Variants in TENM4 observed in about 807,000 individuals in gnomAD.
TENM4 encodes teneurin-4.
TENM4 carries 82 observed loss-of-function variants against 243.3 expected under a neutral mutation model. That is an observed-to-expected ratio of 0.34 (90% CI 0.28 to 0.40). The LOEUF (loss-of-function observed/expected upper bound fraction) is 0.40, where lower values mean the gene tolerates loss of function less well. TENM4 is among the 10% of genes least tolerant of loss of function. The pLI is 1.00. For missense variants in TENM4, 3,138 were observed against 3,673.3 expected, an observed-to-expected ratio of 0.85 and a Z score of 3.77; for synonymous variants, 1,412 against 1,456.3, an observed-to-expected ratio of 0.97 and a Z score of 0.69.
rs1164223025 is a variant in TENM4 at position 78,729,582 on chromosome 11, C to T, written c.3200G>A (p.Arg1067Gln). The T allele has an allele frequency of 3.7e-6, 6 of 1,613,842 alleles. No individual in the cohort carries two copies. The highest frequency in any genetic ancestry group is 1.1e-5 in the South Asian group (1 of 91,066). ...CAGGACAGATTTGTAGCCAGGGGTC[C>T]GGCTGCTCAGGTAGCTCAGCCTCAT... ...CKMRLSYLSS[R>Q]TPGYKSVLRI... Residue 1067 changes from arginine (R) to glutamine (Q), a missense_variant, in exon 22 of 34, where the codon CGG becomes CAG. Arg to Gln is a conservative substitution (Grantham distance 43, BLOSUM62 1). Coordinates refer to ENST00000278550, the MANE Select transcript of TENM4 (RefSeq NM_001098816.3).
At chr11:78,864,884 C>CA (rs1858927373) in intron 9 of TENM4, among the ~76,000 whole-genome samples, 1 of 152,148 alleles carries the variant, frequency 6.6e-6, no homozygotes, top group African/African-American at 2.4e-5. Context: ...GGAAGACAGA[C>CA]AAATAACAAA....
chr11:78,875,559 G>A (rs1183149254), intron 9 of TENM4, among the ~76,000 whole-genome samples: 1 of 152,160 alleles, frequency 6.6e-6, no homozygotes, highest in Non-Finnish European at 1.5e-5. Context: ...TCAGAAGGGT[G>A]AAAACCTTCC....
chr11:78,862,616 C>T (rs1738493979), intron 10 of TENM4, among the ~76,000 whole-genome samples: 1 of 152,116 alleles, frequency 6.6e-6, no homozygotes, highest in Admixed American at 6.5e-5. Flanking sequence ...CCACAGATGC[C>T]CAACTGTCCC....
At chr11:78,965,336 C>T (rs1857415784) in intron 6 of TENM4, among the ~76,000 whole-genome samples, 1 of 151,928 alleles carries the variant, frequency 6.6e-6, no homozygotes, top group African/African-American at 2.4e-5. Context: ...TCATGACTCC[C>T]CCTACGGTTC....
chr11:79,265,460 T>C (rs1222191106), intron 2 of TENM4, among the ~76,000 whole-genome samples: 7 of 152,246 alleles, frequency 4.6e-5, no homozygotes, highest in African/African-American at 1.4e-4. Flanking sequence ...ATTTACATTT[T>C]TCTTAAATTT....
At chr11:78,957,442 A>G (rs1440902258) in intron 6 of TENM4, among the ~76,000 whole-genome samples, 2 of 152,234 alleles carry the variant, frequency 1.3e-5, no homozygotes, top group Non-Finnish European at 2.9e-5. Flanking sequence ...CTGACTTAAA[A>G]GGACCTTGGT....
At chr11:79,245,246 A>G (rs1367096358) in intron 2 of TENM4, among the ~76,000 whole-genome samples, 1 of 152,216 alleles carries the variant, frequency 6.6e-6, no homozygotes, top group Non-Finnish European at 1.5e-5. Flanking sequence ...CTGACTTGAC[A>G]AAGTTTCTCA....
chr11:79,277,193 A>G (rs890897665), intron 2 of TENM4, among the ~76,000 whole-genome samples: 3 of 152,166 alleles, frequency 2.0e-5, no homozygotes, highest in Non-Finnish European at 4.4e-5. Flanking sequence ...CTTTTCAGAC[A>G]CGAGATTTAT....
chr11:79,080,322 G>A (rs887818405), intron 4 of TENM4, among the ~76,000 whole-genome samples: 1 of 152,228 alleles, frequency 6.6e-6, no homozygotes, highest in African/African-American at 2.4e-5. Context: ...AGGAATGTCA[G>A]AAGGACAAAC....
rs551121109 is a variant in TENM4 at position 78,741,791 on chromosome 11, C to A, written c.2757-3221G>T. On this transcript the variant is annotated intron_variant, in intron 19 of 33. Coordinates refer to ENST00000278550, the MANE Select transcript of TENM4 (RefSeq NM_001098816.3). ...GCTAAGAAATAGTTGCTGCTTTGAA[C>A]GTAGAACTCCGCAGTGGAAGACTGC... Among the ~76,000 whole-genome samples, 6 of 152,278 alleles carry A rather than the reference C, an allele frequency of 3.9e-5. No individual in the cohort carries two copies. In the South Asian group the frequency reaches 1.2e-3, roughly 32 times the overall value.
intron 4 of TENM4, among the ~76,000 whole-genome samples, chr11:79,090,591 A>G (rs2137051210): frequency 6.6e-6 from 1 of 152,346 alleles, no homozygotes; most frequent in South Asian, 2.1e-4. Flanking sequence ...GACGCTCAGG[A>G]CTTAGCCAAA....
At position 78,669,653 on chromosome 11, in the gene TENM4, C is replaced by T; in HGVS notation, c.6692G>A (p.Ser2231Asn). 1 of 1,614,030 alleles carries T rather than the reference C, an allele frequency of 6.2e-7. No individual in the cohort carries two copies. Among genetic ancestry groups the T allele is most frequent in the Non-Finnish European group, 8.5e-7 (1 of 1,179,906 alleles). Reference protein sequence around the residue: ...GNLHLLSPGNSARLTPLRYDI... With the variant: ...GNLHLLSPGNNARLTPLRYDI... ...ATACCGTAGTGGTGTGAGCCGTGCA[C>T]TGTTCCCAGGGCTCAGTAAGTGCAG... The change falls in exon 32 of 34, where the codon AGT becomes AAT. Residue 2231 changes from serine to asparagine, a missense_variant. Coordinates refer to ENST00000278550, the MANE Select transcript of TENM4 (RefSeq NM_001098816.3). This position sits in a 1 kb window ranked among gnomAD's most constrained non-coding sequence, Gnocchi z 6.4.
chr11:79,121,744 G>A (rs1262514830), intron 4 of TENM4, among the ~76,000 whole-genome samples: 1 of 152,194 alleles, frequency 6.6e-6, no homozygotes, highest in Non-Finnish European at 1.5e-5. Flanking sequence ...AGGTCTTAGG[G>A]AGGCAGCAGG....
chr11:78,730,592 A>T (rs1174252060), intron 21 of TENM4, among the ~76,000 whole-genome samples: 1 of 152,174 alleles, frequency 6.6e-6, no homozygotes, highest in Non-Finnish European at 1.5e-5. Context: ...TCTAAGTTGG[A>T]AAGTTTAAAT....
At chr11:78,670,954 G>A (rs1858309461) in intron 31 of TENM4, among the ~76,000 whole-genome samples, 1 of 152,200 alleles carries the variant, frequency 6.6e-6, no homozygotes, top group South Asian at 2.1e-4. Context: ...TTGGCCTGAA[G>A]TATGTACAGC....
intron 4 of TENM4, among the ~76,000 whole-genome samples, chr11:79,084,844 G>A (rs1161316418): frequency 6.6e-6 from 1 of 152,084 alleles, no homozygotes; most frequent in African/African-American, 2.4e-5. Flanking sequence ...AAGTAAACAC[G>A]CACATGCATG....
At chr11:79,283,970 T>A (rs1227923807) in intron 2 of TENM4, among the ~76,000 whole-genome samples, 1 of 152,114 alleles carries the variant, frequency 6.6e-6, no homozygotes, top group Non-Finnish European at 1.5e-5. Context: ...TCAAAAAGGA[T>A]AAAGTATTTA....
chr11:78,668,966 T>C lies in TENM4; in HGVS notation c.7379A>G (p.Asn2460Ser), dbSNP rs1382654221. The C allele has an allele frequency of 3.7e-6, 6 of 1,613,444 alleles. No homozygotes were observed. Among genetic ancestry groups the C allele is most frequent in the South Asian group, 2.2e-5 (2 of 91,056 alleles). Residue 2460 changes from asparagine to serine, a missense_variant, in exon 32 of 34, where the codon AAC becomes AGC. By Grantham distance (46) the Asn-to-Ser change is conservative. Coordinates refer to ENST00000278550, the MANE Select transcript of TENM4 (RefSeq NM_001098816.3). ...YMFKNNNPIS[N>S]SQDIKCFMTD... Reference sequence around the variant, plus strand: ...CATGAAGCACTTGATGTCCTGGGAGTTGCTGATGGGGTTGTTGTTTTTGAA... The same window carrying C: ...CATGAAGCACTTGATGTCCTGGGAGCTGCTGATGGGGTTGTTGTTTTTGAA...
chr11:79,415,302 C>T (rs779754561), intron 1 of TENM4, among the ~76,000 whole-genome samples: 5 of 152,120 alleles, frequency 3.3e-5, no homozygotes, highest in African/African-American at 9.7e-5. Flanking sequence ...GTCTATGCCC[C>T]CAAGGAAGTA....
Sources: allele counts gnomAD v4.1 joint callset (sites outside exome capture counted in the v4.1 genomes callset), GRCh38; gene constraint gnomAD v4.1.1; non-coding constraint Gnocchi (gnomAD v3.1); transcripts MANE v1.5; gene names NCBI Gene and HGNC (gene_info 2026-07-23, HGNC 2026-07-21).